The following CSMD1 variants were observed in gnomAD, a reference collection of about 807,000 sequenced individuals.
CSMD1 encodes the protein CUB and Sushi multiple domains 1, also known as CUB and sushi domain-containing protein 1.
In CSMD1, 213 loss-of-function variants were observed where a neutral mutation model predicts 417.5. That is an observed-to-expected ratio of 0.51 (90% confidence interval 0.46 to 0.57). The LOEUF (loss-of-function observed/expected upper bound fraction) is 0.57, where lower values mean the gene tolerates loss of function less well. Ranked by LOEUF, CSMD1 falls within the 20% of genes least tolerant of loss-of-function variation. The pLI, the probability that CSMD1 is intolerant of heterozygous loss-of-function variation, is 0.00. For synonymous variants in CSMD1, 2,862 were observed against 1,736.8 expected (o/e 1.65, Z -16.11); for missense variants, 6,923 against 4,529.7 (o/e 1.53, Z -15.17).
intron 23 of CSMD1, among the ~76,000 whole-genome samples, chr8:3,309,074 C>T (rs1437652345): frequency 6.6e-6 from 1 of 152,090 alleles, no homozygotes; most frequent in Non-Finnish European, 1.5e-5. Context: ...TCAGTCCAAG[C>T]CTCCAGTCTG....
chr8:3,997,868 C>A (rs186571749), intron 5 of CSMD1, 35 bp downstream of exon 5: 7 of 1,577,224 alleles, frequency 4.4e-6, no homozygotes, highest in Non-Finnish European at 3.5e-6. Context: ...GAAAACACAC[C>A]TGTATCCTTT....
intron 57 of CSMD1, among the ~76,000 whole-genome samples, chr8:2,972,758 C>T (rs1804567796): frequency 6.6e-6 from 1 of 152,194 alleles, no homozygotes; most frequent in East Asian, 1.9e-4. Context: ...TGCGGAAATT[C>T]CCATCAGTGA....
intron 25 of CSMD1, among the ~76,000 whole-genome samples, chr8:3,288,124 G>A (rs2117260410): frequency 6.8e-6 from 1 of 147,310 alleles, no homozygotes; most frequent in East Asian, 2.0e-4. Context: ...TTCATTTGTT[G>A]AACAAGCCAT....
At chr8:4,125,899 C>G (rs116691035) in intron 3 of CSMD1, among the ~76,000 whole-genome samples, 2 of 152,156 alleles carry the variant, frequency 1.3e-5, no homozygotes, top group African/African-American at 4.8e-5. Context: ...TTAGGAGACA[C>G]GCAGCCTCTG....
Position 4,390,171 on chromosome 8 carries a change from G to A in CSMD1, c.415+29782C>T, listed in dbSNP as rs371577838. 1.2e-4 allele frequency among the ~76,000 whole-genome samples: 19 copies of A among 152,196 alleles called. No individual in the cohort carries two copies. The South Asian group carries it at 3.5e-3, about 28-fold the overall frequency. ...TTGTCATCCCATTGTGTTTTAATTT[G>A]CATTTCCTGAGTCTGGCTGGTATAA... is the stretch of plus-strand genomic sequence containing the variant. On this transcript the variant is annotated intron_variant, in intron 3 of 69. Coordinates refer to ENST00000635120, the MANE Select transcript of CSMD1 (RefSeq NM_033225.6).
At chr8:4,843,594 A>G (rs1380959374) in intron 1 of CSMD1, among the ~76,000 whole-genome samples, 1 of 152,198 alleles carries the variant, frequency 6.6e-6, no homozygotes, top group Non-Finnish European at 1.5e-5. Flanking sequence ...AGACATTTCC[A>G]TTGTCCAAGC....
intron 26 of CSMD1, among the ~76,000 whole-genome samples, chr8:3,236,966 G>A (rs1799189897): frequency 6.6e-6 from 1 of 151,914 alleles, no homozygotes; most frequent in South Asian, 2.1e-4. Flanking sequence ...CCTCTGAGGG[G>A]ACATCTCTGC....
rs1019126648 is a variant in CSMD1 at position 3,462,812 on chromosome 8, G to C, written c.1561+5900C>G. Among the ~76,000 whole-genome samples the C allele has an allele frequency of 4.6e-5, 7 of 152,180 alleles. No individual in the cohort carries two copies. The East Asian group carries it at 1.3e-3, about 29-fold the overall frequency. ...GCTGGGGACTCTTATCTAAGAACCT[G>C]ATGTGGTCTGACTGTTTGTGTCCCT... On this transcript the variant is annotated intron_variant, in intron 12 of 69. Transcript: ENST00000635120.
chr8:4,262,926 C>T (rs2128843185), intron 3 of CSMD1, among the ~76,000 whole-genome samples: 1 of 152,192 alleles, frequency 6.6e-6, no homozygotes, highest in Admixed American at 6.5e-5. Flanking sequence ...TAATGATGAA[C>T]CATAAGAACA....
At chr8:3,954,442 C>G (rs1811799649) in intron 5 of CSMD1, among the ~76,000 whole-genome samples, 1 of 152,184 alleles carries the variant, frequency 6.6e-6, no homozygotes, top group East Asian at 1.9e-4. Context: ...TCTCAGCTCA[C>G]TGCAACCTCC....
Position 4,288,732 on chromosome 8 carries a change from A to G in CSMD1, c.415+131221T>C, listed in dbSNP as rs141746733. On this transcript the variant is annotated intron_variant, in intron 3 of 69. Transcript: ENST00000635120. Reference sequence around the variant, plus strand: ...ATTTTTAAGCAAATCTATGATTCCAAGATCTCTCAGATGGTCAACCTCCCA... The same window carrying G: ...ATTTTTAAGCAAATCTATGATTCCAGGATCTCTCAGATGGTCAACCTCCCA... Among the ~76,000 whole-genome samples, 443 of 152,268 alleles carry G rather than the reference A, an allele frequency of 2.9e-3. 4 individuals are homozygous for G. Among genetic ancestry groups the G allele is most frequent in the African/African-American group, 0.01 (422 of 41,556 alleles).
intron 11 of CSMD1, among the ~76,000 whole-genome samples, chr8:3,469,633 T>C (rs1009864766): frequency 6.6e-6 from 1 of 152,124 alleles, no homozygotes; most frequent in African/African-American, 2.4e-5. Flanking sequence ...AAAACAAATG[T>C]CCCTAATCAA....
chr8:3,445,419 G>A (rs1048660448), intron 12 of CSMD1, among the ~76,000 whole-genome samples: 1 of 152,160 alleles, frequency 6.6e-6, no homozygotes, highest in Non-Finnish European at 1.5e-5. Context: ...CCTACTTGCA[G>A]ATAGTTCTCA....
rs376117864 is a variant in CSMD1 at position 2,998,057 on chromosome 8, C to T, written c.8331G>A (p.Gln2777=). 6.2e-7 allele frequency: 1 copy of T among 1,614,006 alleles called. No individual in the cohort carries two copies. Among genetic ancestry groups the T allele is most frequent in the Non-Finnish European group, 8.5e-7 (1 of 1,179,862 alleles). The change falls in exon 54 of 70, where the codon CAG becomes CAA. Residue 2777 remains glutamine (Q), a synonymous_variant. Coordinates refer to ENST00000635120, the MANE Select transcript of CSMD1 (RefSeq NM_033225.6). ...TACTCCACTGGCCGTTGCTCCGACA[C>T]TGGGCTCGAGACACGCCCTGCAGCA... ...GYLLQGVSRA[Q]CRSNGQWSSP... is the part of the protein sequence containing the mutation.
chr8:3,657,896 G>C (rs1290300517), intron 7 of CSMD1, among the ~76,000 whole-genome samples: 1 of 152,114 alleles, frequency 6.6e-6, no homozygotes. Context: ...TTACCCTGGA[G>C]CTTCTGTGCA....
chr8:4,316,724 A>C (rs1170306576), intron 3 of CSMD1, among the ~76,000 whole-genome samples: 1 of 152,100 alleles, frequency 6.6e-6, no homozygotes, highest in Admixed American at 6.6e-5. Flanking sequence ...TGGGATTTTC[A>C]GAACGATAGT....
rs545020639 is a variant in CSMD1, at chr8:4,015,899, G to A, written c.610+16006C>T. Among the ~76,000 whole-genome samples the A allele has an allele frequency of 6.8e-4, 104 of 152,246 alleles. 1 individual carries two copies. Among genetic ancestry groups the A allele is most frequent in the Non-Finnish European group, 1.2e-3 (84 of 68,016 alleles). ...ACATCTCATGCTTCCAAGCAAAACAGAAACAAACAAATGGCAACAAACAAC... is the reference window on the plus strand; with the variant it reads ...ACATCTCATGCTTCCAAGCAAAACAAAAACAAACAAATGGCAACAAACAAC... On this transcript the variant is annotated intron_variant, in intron 4 of 69. Coordinates refer to ENST00000635120, the MANE Select transcript of CSMD1 (RefSeq NM_033225.6).
intron 2 of CSMD1, among the ~76,000 whole-genome samples, chr8:4,600,956 A>ATT (rs36030872): frequency 0.036 from 5,020 of 139,030 alleles, 178 homozygotes; most frequent in African/African-American, 0.078. Context: ...TCTTAATTAG[A>ATT]TTTTTTTTTT....
chr8:4,176,126 G>A (rs1468167353), intron 3 of CSMD1, among the ~76,000 whole-genome samples: 2 of 152,018 alleles, frequency 1.3e-5, no homozygotes, highest in East Asian at 1.9e-4. Context: ...AGTCTCAAGG[G>A]CAGTCCACAT....
Sources: gnomAD v4.1 joint callset for allele counts (sites outside exome capture counted in the v4.1 genomes callset) on GRCh38, gnomAD v4.1.1 for gene constraint, MANE v1.5 for transcripts, NCBI Gene and HGNC (gene_info 2026-07-23, HGNC 2026-07-21) for gene names.